Variants in LDAF1 observed in about 807,000 individuals in gnomAD.
LDAF1 encodes the protein PROMETHIN.
LDAF1 carries 7 observed loss-of-function variants against 13.5 expected under a neutral mutation model. That is an observed-to-expected ratio of 0.52 (90% CI 0.29 to 0.97). The LOEUF is 0.97. LDAF1 is among the 50% of genes least tolerant of loss of function. The pLI is 0.07. For missense variants in LDAF1, 148 were observed against 193.2 expected, an observed-to-expected ratio of 0.77 and a Z score of 1.39; for synonymous variants, 69 against 77.1, an observed-to-expected ratio of 0.89 and a Z score of 0.55.
chr16:21,159,221 A>G (rs1323760887), intron 1 of LDAF1: 6 of 1,051,246 alleles, frequency 5.7e-6, no homozygotes, highest in African/African-American at 4.7e-5. Flanking sequence ...GCAAGTATCA[A>G]AGGGGGCTTC....
intron 3 of LDAF1, 51 bp downstream of exon 3, chr16:21,170,656 A>G (rs1346399574): frequency 2.5e-6 from 4 of 1,608,690 alleles, no homozygotes; most frequent in Non-Finnish European, 2.6e-6. Context: ...ATTGGGAGAA[A>G]AATACTTTTG....
chr16:21,171,734 A>G (rs997106760), intron 3 of LDAF1, among the ~76,000 whole-genome samples: 1 of 151,626 alleles, frequency 6.6e-6, no homozygotes, highest in African/African-American at 2.4e-5. Flanking sequence ...ACCTGAGTGT[A>G]TTTAAATCTT....
At chr16:21,168,006 C>CA (rs746968001) in intron 2 of LDAF1, among the ~76,000 whole-genome samples, 154 of 119,592 alleles carry the variant, frequency 1.3e-3, no homozygotes, top group Middle Eastern at 4.0e-3. Context: ...AACTCCATCT[C>CA]AAAAAAAAAA....
intron 2 of LDAF1, among the ~76,000 whole-genome samples, chr16:21,167,127 C>G (rs1420170035): frequency 6.6e-6 from 1 of 152,184 alleles, no homozygotes; most frequent in Non-Finnish European, 1.5e-5. Context: ...CTTGGCATGG[C>G]CTCTTTTATT....
At chr16:21,165,703 T>G in intron 2 of LDAF1, 1 of 781,182 alleles carries the variant, frequency 1.3e-6, no homozygotes, top group Non-Finnish European at 1.6e-6. Context: ...CATGTCATAG[T>G]TCTGCTCAAA....
At chr16:21,163,021 A>T (rs1371959138) in intron 2 of LDAF1, among the ~76,000 whole-genome samples, 1 of 152,174 alleles carries the variant, frequency 6.6e-6, no homozygotes, top group African/African-American at 2.4e-5. Context: ...TATATTGTTG[A>T]TCATTAACGT....
intron 2 of LDAF1, among the ~76,000 whole-genome samples, chr16:21,161,491 A>G (rs1166924152): frequency 1.3e-5 from 2 of 152,210 alleles, no homozygotes; most frequent in Non-Finnish European, 2.9e-5. Context: ...CTTTCAGGCA[A>G]CAGGATTTGA....
intron 2 of LDAF1, among the ~76,000 whole-genome samples, chr16:21,165,782 A>G (rs945961718): frequency 1.3e-5 from 2 of 152,124 alleles, no homozygotes; most frequent in African/African-American, 4.8e-5. Context: ...TAGCAGAAAT[A>G]TTATGTGAGC....
At position 21,161,297 on chromosome 16, in the gene LDAF1, T is replaced by C; in HGVS notation, c.96+19T>C. On this transcript the variant is annotated intron_variant, in intron 2 of 4. Coordinates refer to ENST00000233047, the MANE Select transcript of LDAF1 (RefSeq NM_001301771.2). ...CTCAAAGGTCAGTTTCCAATCACTA[T>C]GTATAATGGAAAATCCCAATATAAC... 1 of 1,610,886 alleles carries C rather than the reference T, an allele frequency of 6.2e-7. No individual in the cohort carries two copies. The highest frequency in any genetic ancestry group is 2.2e-5 in the East Asian group (1 of 44,874).
At chr16:21,162,150 C>T (rs1049962886) in intron 2 of LDAF1, among the ~76,000 whole-genome samples, 1 of 151,024 alleles carries the variant, frequency 6.6e-6, no homozygotes, top group Non-Finnish European at 1.5e-5. Flanking sequence ...AGCGAGATTC[C>T]GTCTCCAAAA....
chr16:21,159,847 CT>C, intron 1 of LDAF1: 3 of 945,130 alleles, frequency 3.2e-6, no homozygotes, highest in Non-Finnish European at 3.8e-6. Flanking sequence ...GGGAACTCCG[CT>C]TGTTTCTGCT....
chr16:21,158,944 C>T (rs983513159), intron 1 of LDAF1, among the ~76,000 whole-genome samples, 198 bp downstream of exon 1: 1 of 151,930 alleles, frequency 6.6e-6, no homozygotes, highest in African/African-American at 2.4e-5. Context: ...GCTGGGAGCG[C>T]ACGAGGAGAC....
At chr16:21,168,892 TTA>T (rs968175059) in intron 2 of LDAF1, among the ~76,000 whole-genome samples, 9 of 135,578 alleles carry the variant, frequency 6.6e-5, no homozygotes, top group African/African-American at 2.5e-4. Context: ...TATTATATAT[TTA>T]TATTTATATA....
chr16:21,165,560 T>A (rs2093015946), intron 2 of LDAF1: 1 of 981,474 alleles, frequency 1.0e-6, no homozygotes, highest in Non-Finnish European at 1.2e-6. Flanking sequence ...CATCTACCCC[T>A]CCCCCTTCTC....
rs2092969532 is a variant in LDAF1 at position 21,161,161 on chromosome 16, A to G, written c.-22A>G. The G allele has an allele frequency of 6.2e-7, 1 of 1,613,484 alleles. No individual in the cohort carries two copies. Among genetic ancestry groups the G allele is most frequent in the Non-Finnish European group, 8.5e-7 (1 of 1,179,914 alleles). Reference sequence around the variant, plus strand: ...TACTGGTAGGATAATTCATCCCTAAAGAGATTGAAGTGAGCTTCAGAATGG... The same window carrying G: ...TACTGGTAGGATAATTCATCCCTAAGGAGATTGAAGTGAGCTTCAGAATGG... On this transcript the variant is annotated 5_prime_UTR_variant, in exon 2 of 5. Coordinates refer to ENST00000233047, the MANE Select transcript of LDAF1 (RefSeq NM_001301771.2).
chr16:21,165,947 A>G (rs1597538388), intron 2 of LDAF1, among the ~76,000 whole-genome samples: 1 of 151,716 alleles, frequency 6.6e-6, no homozygotes, highest in South Asian at 2.1e-4. Context: ...GCAACCTCTG[A>G]CTCCCGGGTT....
At position 21,161,626 on chromosome 16, in the gene LDAF1, A is replaced by G. The variant is rs150047872; in HGVS notation, c.96+348A>G. 2.6e-4 allele frequency among the ~76,000 whole-genome samples: 39 copies of G among 152,314 alleles called. 1 individual carries two copies. The South Asian group carries it at 3.9e-3, about 15-fold the overall frequency. On this transcript the variant is annotated intron_variant, in intron 2 of 4. Coordinates refer to ENST00000233047, the MANE Select transcript of LDAF1 (RefSeq NM_001301771.2). ...TCATTTGCCACTAATGGCAAATGCA[A>G]TTCTTTAGCTGGATAAAGAAGTCTG...
In LDAF1 at chr16:21,162,716, A is replaced by G. The variant is rs75349931; in HGVS notation, c.96+1438A>G. Reference sequence around the variant, plus strand: ...GCACTCTTTGTGGATTTACCAAGCTATTTTTAAATTGGACAAGCAGCTTTC... The same window carrying G: ...GCACTCTTTGTGGATTTACCAAGCTGTTTTTAAATTGGACAAGCAGCTTTC... On this transcript the variant is annotated intron_variant, in intron 2 of 4. Transcript: ENST00000233047. Among the ~76,000 whole-genome samples, 18 of 152,318 alleles carry G rather than the reference A, an allele frequency of 1.2e-4. No homozygotes were observed. The East Asian group carries it at 3.3e-3, about 28-fold the overall frequency.
chr16:21,169,878 G>T (rs1223004191), intron 2 of LDAF1, among the ~76,000 whole-genome samples: 1 of 151,846 alleles, frequency 6.6e-6, no homozygotes, highest in Non-Finnish European at 1.5e-5. Context: ...TAGCTGCCTG[G>T]GTGACTCATG....
Sources: gnomAD v4.1 joint callset for allele counts (sites outside exome capture counted in the v4.1 genomes callset) on GRCh38, gnomAD v4.1.1 for gene constraint, MANE v1.5 for transcripts, NCBI Gene and HGNC (gene_info 2026-07-23, HGNC 2026-07-21) for gene names.